The following ATP1B2 variants were observed in gnomAD, a reference collection of about 807,000 sequenced individuals.
ATP1B2 encodes the protein sodium/potassium-transporting ATPase subunit beta-2.
Under a neutral mutation model 37.3 loss-of-function variants are expected in ATP1B2, and 12 were observed. That is an observed-to-expected ratio of 0.32 (90% CI 0.21 to 0.52). The LOEUF is 0.52. Among genes scored for constraint, ATP1B2 ranks in the 20% least tolerant of loss-of-function variants. ATP1B2 has a pLI of 0.96. For missense variants in ATP1B2, 324 were observed against 391.6 expected, an observed-to-expected ratio of 0.83 and a Z score of 1.46; for synonymous variants, 139 against 140.5, an observed-to-expected ratio of 0.99 and a Z score of 0.07.
Position 7,655,093 on chromosome 17 carries a change from C to A in ATP1B2, c.609+409C>A. 3.3e-6 allele frequency: 1 copy of A among 307,516 alleles called. No individual in the cohort carries two copies. The highest frequency in any genetic ancestry group is 6.1e-6 in the Non-Finnish European group (1 of 164,194). The allele number at this position is 307,516 out of a possible 1,614,324, so 19.0% of individuals were successfully genotyped here. On this transcript the variant is annotated intron_variant, in intron 5 of 6. Coordinates refer to ENST00000250111, the MANE Select transcript of ATP1B2 (RefSeq NM_001678.5). This position sits in a 1 kb window ranked among gnomAD's most constrained non-coding sequence, Gnocchi z 4.4. The stretch of plus-strand genomic sequence containing the variant: ...GCTGATCTGTTAGCACCATCTGCCA[C>A]CAGTTCGTTGTCCTTGGGACCCTGT...
intron 1 of ATP1B2, 92 bp downstream of exon 1, chr17:7,651,722 C>A: frequency 9.0e-7 from 1 of 1,114,914 alleles, no homozygotes; most frequent in Non-Finnish European, 1.2e-6. Context: ...CAGCTCCCCT[C>A]CCGGGTCCCC....
Position 7,655,586 on chromosome 17 carries a change from C to T in ATP1B2, c.669C>T (p.Ile223=), listed in dbSNP as rs764745784. The stretch of plus-strand genomic sequence containing the variant: ...TCATGTTCCCCGCCAACGGCAACAT[C>T]GACCTCATGTACTTCCCCTACTATG... ...NFVMFPANGN[I]DLMYFPYYGK... Residue 223 remains isoleucine (I), a synonymous_variant, in exon 6 of 7, where the codon ATC becomes ATT. Transcript: ENST00000250111. The surrounding 1 kb of genome is among the most constrained non-coding windows in gnomAD (Gnocchi z 4.4). The T allele has an allele frequency of 8.1e-6, 13 of 1,614,042 alleles. No individual in the cohort carries two copies. Among genetic ancestry groups the T allele is most frequent in the South Asian group, 2.2e-5 (2 of 91,086 alleles).
upstream of ATP1B2, among the ~76,000 whole-genome samples, chr17:7,649,120 T>G (rs765625611): frequency 1.7e-4 from 26 of 152,208 alleles, no homozygotes; most frequent in Non-Finnish European, 3.7e-4. Flanking sequence ...TGACACAATC[T>G]CGGCTCACTG....
chr17:7,650,053 G>A (rs1008965962), upstream of ATP1B2, among the ~76,000 whole-genome samples: 1 of 152,188 alleles, frequency 6.6e-6, no homozygotes, highest in African/African-American at 2.4e-5. Flanking sequence ...TAGACTGTGA[G>A]CCCCGTGAGA....
In ATP1B2 at chr17:7,651,596, G is replaced by C. The variant is rs1471518870; in HGVS notation, c.78G>C (p.Thr26=). The change falls in exon 1 of 7, where the codon ACG becomes ACC. Residue 26 remains threonine, a synonymous_variant. Coordinates refer to ENST00000250111, the MANE Select transcript of ATP1B2 (RefSeq NM_001678.5). ...AGGAGTTCGTGTGGAACCCGAGGAC[G>C]CACCAGTTTATGGGCCGCACCGGGA... is the stretch of plus-strand genomic sequence containing the variant. ...EWKEFVWNPR[T]HQFMGRTGTS... The C allele has an allele frequency of 1.2e-6, 2 of 1,606,116 alleles. No homozygotes were observed. Among genetic ancestry groups the C allele is most frequent in the East Asian group, 2.3e-5 (1 of 44,426 alleles).
chr17:7,650,649 GTGT>G, upstream of ATP1B2, among the ~76,000 whole-genome samples: 1 of 152,170 alleles, frequency 6.6e-6, no homozygotes, highest in East Asian at 1.9e-4. Flanking sequence ...CTCTGCCGTT[GTGT>G]TTCTCTGGGG....
At position 7,655,843 on chromosome 17, in the gene ATP1B2, G is replaced by A. The variant is rs200249927; in HGVS notation, c.821G>A (p.Arg274Gln). 117 of 1,613,990 alleles carry A rather than the reference G, an allele frequency of 7.2e-5. No individual in the cohort carries two copies. The highest frequency in any genetic ancestry group is 8.8e-5 in the Non-Finnish European group (104 of 1,180,040). ...GCCAACATCGCCACAGACGATGAGC[G>A]AGACAAGTTCGCCGGCCGCGTGGCC... ...NAANIATDDE[R>Q]DKFAGRVAFK... is the part of the protein sequence containing the mutation. The change falls in exon 7 of 7, where the codon CGA becomes CAA. Residue 274 changes from arginine to glutamine, a missense_variant. Physicochemically the swap from Arg to Gln is conservative, Grantham distance 43. Transcript: ENST00000250111. The surrounding 1 kb of genome is among the most constrained non-coding windows in gnomAD (Gnocchi z 4.4).
In ATP1B2 at chr17:7,654,342, T is replaced by C; in HGVS notation, c.552+85T>C. On this transcript the variant is annotated intron_variant, in intron 4 of 6. Coordinates refer to ENST00000250111, the MANE Select transcript of ATP1B2 (RefSeq NM_001678.5). The surrounding 1 kb of genome is among the most constrained non-coding windows in gnomAD (Gnocchi z 4.9). Reference sequence around the variant, plus strand: ...GACAATTGCATCCTTTCACTGGGGCTAATGGGCATGAGAAAGACTTGGATG... The same window carrying C: ...GACAATTGCATCCTTTCACTGGGGCCAATGGGCATGAGAAAGACTTGGATG... 6.9e-7 allele frequency: 1 copy of C among 1,451,624 alleles called. No homozygotes were observed. The highest frequency in any genetic ancestry group is 1.2e-5 in the South Asian group (1 of 86,174). 89.9% of individuals were successfully genotyped at this position (1,451,624 alleles called of 1,614,324 possible).
chr17:7,655,953 C>T lies in ATP1B2; in HGVS notation c.*58C>T, dbSNP rs1449980621. On this transcript the variant is annotated 3_prime_UTR_variant, in exon 7 of 7. Coordinates refer to ENST00000250111, the MANE Select transcript of ATP1B2 (RefSeq NM_001678.5). This position sits in a 1 kb window ranked among gnomAD's most constrained non-coding sequence, Gnocchi z 4.4. ...GGATGCTCCTGGAATGTCCCTGACC[C>T]TGCCTGATCCCTCCCTCACCCACCC... 7.5e-6 allele frequency: 12 copies of T among 1,594,016 alleles called. No homozygotes were observed. The highest frequency in any genetic ancestry group is 9.4e-6 in the Non-Finnish European group (11 of 1,167,234).
Position 7,654,697 on chromosome 17 carries a change from G to C in ATP1B2, c.609+13G>C, listed in dbSNP as rs1204073324. 3 of 1,613,990 alleles carry C rather than the reference G, an allele frequency of 1.9e-6. No homozygotes were observed. The highest frequency in any genetic ancestry group is 2.5e-6 in the Non-Finnish European group (3 of 1,179,914). On this transcript the variant is annotated intron_variant, in intron 5 of 6. Coordinates refer to ENST00000250111, the MANE Select transcript of ATP1B2 (RefSeq NM_001678.5). This position sits in a 1 kb window ranked among gnomAD's most constrained non-coding sequence, Gnocchi z 4.9. ...CTGTGCTGGGAAGGTGAGTTCGTTG[G>C]GCCTTGTCTGCCTGCTCACCTGAGT...
chr17:7,657,404 A>G lies in ATP1B2; in HGVS notation c.*1509A>G, dbSNP rs1445685652. On this transcript the variant is annotated 3_prime_UTR_variant, in exon 7 of 7. Transcript: ENST00000250111. ...TTAAAAAAAAAACAAAAACAAAAAC[A>G]AAAAAACCCATAATGCCCACAGAAT... The G allele has an allele frequency of 6.6e-6, 1 of 152,178 alleles. No individual in the cohort carries two copies. The highest frequency in any genetic ancestry group is 1.5e-5 in the Non-Finnish European group (1 of 68,124). The allele number at this position is 152,178 out of a possible 1,614,324, so 9.4% of individuals were successfully genotyped here.
At chr17:7,649,880 G>A (rs143258380), upstream of ATP1B2, among the ~76,000 whole-genome samples, 186 of 152,078 alleles carry the variant, frequency 1.2e-3, no homozygotes, top group African/African-American at 3.7e-3. Flanking sequence ...TTTAAGTAGA[G>A]ACGGGGTTTC....
chr17:7,647,911 A>G (rs1613071), upstream of ATP1B2, among the ~76,000 whole-genome samples: 114,754 of 151,864 alleles, frequency 0.76, 45,217 homozygotes, highest in Middle Eastern at 0.9. Context: ...TGCAGCCCCA[A>G]CTACCTGGAG....
chr17:7,654,610 C>T lies in ATP1B2; in HGVS notation c.553-18C>T. 6.2e-7 allele frequency: 1 copy of T among 1,613,894 alleles called. No homozygotes were observed. On this transcript the variant is annotated intron_variant, in intron 4 of 6. Coordinates refer to ENST00000250111, the MANE Select transcript of ATP1B2 (RefSeq NM_001678.5). The surrounding 1 kb of genome is among the most constrained non-coding windows in gnomAD (Gnocchi z 4.9). ...AACTTCTTCCTCTGACTCTCTTCACCTTCCACCCTCACTCCAGGTCATCAA... is the reference window on the plus strand; with the variant it reads ...AACTTCTTCCTCTGACTCTCTTCACTTTCCACCCTCACTCCAGGTCATCAA...
chr17:7,651,107 CT>C lies in ATP1B2; in HGVS notation c.-411del. ...GCATCTTGGATTTCGGGGCGGCCCC[CT>C]CCCCCACCTCTCTCTGCCTTTTTGT... On this transcript the variant is annotated 5_prime_UTR_variant, in exon 1 of 7. Coordinates refer to ENST00000250111, the MANE Select transcript of ATP1B2 (RefSeq NM_001678.5). 4.8e-6 allele frequency: 1 copy of C among 209,150 alleles called. No individual in the cohort carries two copies. Among genetic ancestry groups the C allele is most frequent in the Non-Finnish European group, 9.7e-6 (1 of 103,208 alleles). The allele number at this position is 209,150 out of a possible 1,614,324, so 13.0% of individuals were successfully genotyped here.
chr17:7,651,432 T>G lies in ATP1B2; in HGVS notation c.-87T>G. ...CGCGCCGCCTTCGCTCCCCGTGCTT[T>G]TGGGTGTGTGGAGGGCTTCAGCGCG... On this transcript the variant is annotated 5_prime_UTR_variant, in exon 1 of 7. Transcript: ENST00000250111. The G allele has an allele frequency of 8.2e-7, 1 of 1,221,246 alleles. No homozygotes were observed. Among genetic ancestry groups the G allele is most frequent in the Non-Finnish European group, 1.2e-6 (1 of 856,274 alleles). The allele number at this position is 1,221,246 out of a possible 1,614,324, so 75.7% of individuals were successfully genotyped here. A position where few individuals can be genotyped will look rare whatever the true frequency, so the allele number is the denominator to read the frequency against.
At position 7,655,313 on chromosome 17, in the gene ATP1B2, G is replaced by A. The variant is rs747398292; in HGVS notation, c.610-214G>A. The A allele has an allele frequency of 2.7e-5, 16 of 596,060 alleles. No homozygotes were observed. Among genetic ancestry groups the A allele is most frequent in the Non-Finnish European group, 3.3e-5 (11 of 335,846 alleles). The allele number at this position is 596,060 out of a possible 1,614,324, so 36.9% of individuals were successfully genotyped here. ...GCTTTCGTGCCATTAGCAGCCTTCA[G>A]GAGTTCCTAGAATGATGACAGGGAC... On this transcript the variant is annotated intron_variant, in intron 5 of 6. Transcript: ENST00000250111. This position sits in a 1 kb window ranked among gnomAD's most constrained non-coding sequence, Gnocchi z 4.4.
At position 7,657,147 on chromosome 17, in the gene ATP1B2, GC is replaced by G. The variant is rs1239975731; in HGVS notation, c.*1253del. 2.0e-5 allele frequency: 3 copies of G among 152,104 alleles called. No individual in the cohort carries two copies. The highest frequency in any genetic ancestry group is 2.9e-5 in the Non-Finnish European group (2 of 68,026). 9.4% of individuals were successfully genotyped at this position (152,104 alleles called of 1,614,324 possible). ...CTTCCCAGGGAGCTCTGGGGGAGGGGCGGCCATTCTGGCTCCGTCCCCAGTG... is the reference window on the plus strand; with the variant it reads ...CTTCCCAGGGAGCTCTGGGGGAGGGGGGCCATTCTGGCTCCGTCCCCAGTG... On this transcript the variant is annotated 3_prime_UTR_variant, in exon 7 of 7. Transcript: ENST00000250111.
chr17:7,652,438 CA>C (rs2072620542), intron 1 of ATP1B2, among the ~76,000 whole-genome samples: 1 of 152,098 alleles, frequency 6.6e-6, no homozygotes, highest in Non-Finnish European at 1.5e-5. Flanking sequence ...CGTTGAGACA[CA>C]GGGGACAGAG....
Sources: gnomAD v4.1 joint callset for allele counts (sites outside exome capture counted in the v4.1 genomes callset) on GRCh38, gnomAD v4.1.1 for gene constraint, Gnocchi (gnomAD v3.1) non-coding constraint, MANE v1.5 for transcripts, NCBI Gene and HGNC (gene_info 2026-07-23, HGNC 2026-07-21) for gene names.